TRPM2: variants seen among roughly 807,000 people sequenced by gnomAD.
TRPM2 encodes the protein transient receptor potential cation channel subfamily M member 2.
In TRPM2, 161 loss-of-function variants were observed where a neutral mutation model predicts 174.0. That is an observed-to-expected ratio of 0.93 (90% CI 0.81 to 1.05). The LOEUF (loss-of-function observed/expected upper bound fraction) is 1.05, where lower values mean the gene tolerates loss of function less well. Among genes scored for constraint, TRPM2 ranks in the 50% least tolerant of loss-of-function variants. The pLI, the probability that TRPM2 is intolerant of heterozygous loss-of-function variation, is 0.00. For synonymous variants in TRPM2, 954 were observed against 861.3 expected (o/e 1.11, Z -1.88); for missense variants, 2,057 against 2,038.0 (o/e 1.01, Z -0.18).
chr21:44,382,340 CTGAT>C (rs1008621475), intron 8 of TRPM2, among the ~76,000 whole-genome samples: 10 of 151,942 alleles, frequency 6.6e-5, no homozygotes, highest in African/African-American at 2.4e-4. Flanking sequence ...GATAGATAGA[CTGAT>C]CGATCGACAG....
At position 44,395,423 on chromosome 21, in the gene TRPM2, G is replaced by A; in HGVS notation, c.1804G>A (p.Val602Met). Residue 602 changes from valine to methionine, a missense_variant, in exon 12 of 32, where the codon GTG becomes ATG. Val to Met is a conservative substitution (Grantham distance 21). Transcript: ENST00000397928. ...GTTCACTGCTCACCAGGTGCAGGGA[G>A]TGAGCCTCCGGTCCCTCTACAAGCG... The part of the protein sequence containing the change: ...VPHVKLNVQG[V>M]SLRSLYKRSS... 1.9e-6 allele frequency: 3 copies of A among 1,612,754 alleles called. No individual in the cohort carries two copies. The highest frequency in any genetic ancestry group is 2.5e-6 in the Non-Finnish European group (3 of 1,179,932).
Position 44,422,423 on chromosome 21 carries a change from C to T in TRPM2, c.3462-1222C>T, listed in dbSNP as rs538530494. ...GCTGTCTGGGAAAACATGGCAGGTGCGGTTAAGCGGCTTTTGTGGGATTAA... is the reference window on the plus strand; with the variant it reads ...GCTGTCTGGGAAAACATGGCAGGTGTGGTTAAGCGGCTTTTGTGGGATTAA... On this transcript the variant is annotated intron_variant, in intron 22 of 31. Transcript: ENST00000397928. The T allele has an allele frequency of 2.1e-4, 316 of 1,535,732 alleles. No homozygotes were observed. In the East Asian group the frequency reaches 4.8e-3, roughly 23 times the overall value.
intron 20 of TRPM2, among the ~76,000 whole-genome samples, chr21:44,417,308 A>T (rs1307572750): frequency 4.1e-5 from 3 of 73,800 alleles, no homozygotes; most frequent in South Asian, 5.9e-4. Context: ...CAGTGGGCAC[A>T]AGGGCGTGGC....
At position 44,385,716 on chromosome 21, in the gene TRPM2, C is replaced by T. The variant is rs112840437; in HGVS notation, c.1318+2896C>T. Among the ~76,000 whole-genome samples, 912 of 152,262 alleles carry T rather than the reference C, an allele frequency of 6.0e-3. 13 individuals carry two copies. The highest frequency in any genetic ancestry group is 0.02 in the African/African-American group (847 of 41,534). Reference sequence around the variant, plus strand: ...TTAAATTGACTCACAGTTCAGCATGCCTTGGAAGGCCTCAGGAAACTTACA... The same window carrying T: ...TTAAATTGACTCACAGTTCAGCATGTCTTGGAAGGCCTCAGGAAACTTACA... On this transcript the variant is annotated intron_variant, in intron 9 of 31. Coordinates refer to ENST00000397928, the MANE Select transcript of TRPM2 (RefSeq NM_003307.4).
At chr21:44,364,992 T>C (rs2048318319) in intron 3 of TRPM2, among the ~76,000 whole-genome samples, 1 of 148,832 alleles carries the variant, frequency 6.7e-6, no homozygotes, top group African/African-American at 2.5e-5. Context: ...TGGAGGGTTC[T>C]GAGACTCGCG....
chr21:44,418,830 T>C (rs1157241112), intron 22 of TRPM2, among the ~76,000 whole-genome samples: 1 of 151,688 alleles, frequency 6.6e-6, no homozygotes, highest in Non-Finnish European at 1.5e-5. Context: ...GAGGGGCAGG[T>C]TGGCCCGCAG....
At position 44,376,079 on chromosome 21, in the gene TRPM2, A is replaced by G; in HGVS notation, c.952+66A>G. 3.9e-6 allele frequency: 6 copies of G among 1,557,668 alleles called. No individual in the cohort carries two copies. Among genetic ancestry groups the G allele is most frequent in the Non-Finnish European group, 5.2e-6 (6 of 1,145,426 alleles). On this transcript the variant is annotated intron_variant, in intron 6 of 31. Coordinates refer to ENST00000397928, the MANE Select transcript of TRPM2 (RefSeq NM_003307.4). This position sits in a 1 kb window ranked among gnomAD's most constrained non-coding sequence, Gnocchi z 4.2. The stretch of plus-strand genomic sequence containing the variant: ...CAGTGGGCTGGTCAGAGTGTCAGGT[A>G]CAGCTGGTCACGACCAGGACGTTCA...
intron 18 of TRPM2, 103 bp from the exon 19 acceptor site, chr21:44,406,491 G>A (rs908293138): frequency 5.1e-6 from 7 of 1,371,162 alleles, no homozygotes; most frequent in Non-Finnish European, 6.8e-6. Context: ...CCGTGTCTGT[G>A]CTGTGAGTGG....
chr21:44,383,771 T>G (rs1169079998), intron 9 of TRPM2, among the ~76,000 whole-genome samples: 1 of 152,118 alleles, frequency 6.6e-6, no homozygotes, highest in African/African-American at 2.4e-5. Context: ...ACACAGCCAA[T>G]GGATGAAAGA....
Position 44,439,036 on chromosome 21 carries a change from G to C in TRPM2, c.4168-31G>C. On this transcript the variant is annotated intron_variant, in intron 29 of 31. Transcript: ENST00000397928. The surrounding 1 kb of genome is among the most constrained non-coding windows in gnomAD (Gnocchi z 5.1). Reference sequence around the variant, plus strand: ...GCCTGAGGTCCCGCTTCGGTGCCCTGTTGACCTGCCTCCGTCCTCTGTCTG... The same window carrying C: ...GCCTGAGGTCCCGCTTCGGTGCCCTCTTGACCTGCCTCCGTCCTCTGTCTG... 1.3e-6 allele frequency: 2 copies of C among 1,597,300 alleles called. No homozygotes were observed. Among genetic ancestry groups the C allele is most frequent in the Non-Finnish European group, 1.7e-6 (2 of 1,168,800 alleles).
At chr21:44,405,831 G>T in intron 17 of TRPM2, 74 bp from the exon 18 acceptor site, 1 of 1,548,250 alleles carries the variant, frequency 6.5e-7, no homozygotes. Context: ...ACAGGTGGAG[G>T]GGCGACGGGG....
chr21:44,352,727 G>T (rs2123002646), upstream of TRPM2, among the ~76,000 whole-genome samples: 1 of 152,332 alleles, frequency 6.6e-6, no homozygotes, highest in Admixed American at 6.5e-5. Context: ...TAAAGGGAGG[G>T]CAGTCATCCG....
chr21:44,437,074 C>T lies in TRPM2; in HGVS notation c.4074C>T (p.Asn1358=), dbSNP rs141137247. The change falls in exon 29 of 32, where the codon AAC becomes AAT. Residue 1358 remains asparagine (N), a synonymous_variant. Transcript: ENST00000397928. ...LYPMVTRWRR[N]EDGAICRKSI... ...GCTCTCTCCGCAGGTGGAGGCGGAACGAGGATGGAGCCATCTGCAGGAAGA... is the reference window on the plus strand; with the variant it reads ...GCTCTCTCCGCAGGTGGAGGCGGAATGAGGATGGAGCCATCTGCAGGAAGA... The T allele has an allele frequency of 4.6e-5, 72 of 1,550,688 alleles. 1 individual carries two copies. In the African/African-American group the frequency reaches 7.4e-4, roughly 16 times the overall value.
intron 15 of TRPM2, 22 bp from the exon 16 acceptor site, chr21:44,401,659 C>T: frequency 6.2e-7 from 1 of 1,609,996 alleles, no homozygotes; most frequent in South Asian, 1.1e-5. Flanking sequence ...TCACTGTCTC[C>T]TCTCTGCTGT....
At chr21:44,397,606 A>C in intron 12 of TRPM2, 141 bp from the exon 13 acceptor site, 1 of 878,496 alleles carries the variant, frequency 1.1e-6, no homozygotes. Context: ...TTGTCTGTAT[A>C]GATGTGGTCA....
chr21:44,378,983 C>G lies in TRPM2; in HGVS notation c.1015-14C>G, dbSNP rs1341928408. 3 of 1,600,552 alleles carry G rather than the reference C, an allele frequency of 1.9e-6. No homozygotes were observed. The highest frequency in any genetic ancestry group is 3.3e-5 in the Admixed American group (2 of 59,972). The stretch of plus-strand genomic sequence containing the variant: ...GGACCCAGTCCCGGGCTCACACCCC[C>G]ACCTGCCTTGCAGACCATCGACAAC... On this transcript the variant is annotated splice_polypyrimidine_tract_variant and intron_variant, in intron 7 of 31. Coordinates refer to ENST00000397928, the MANE Select transcript of TRPM2 (RefSeq NM_003307.4).
chr21:44,400,797 C>A (rs1422237682), intron 15 of TRPM2, among the ~76,000 whole-genome samples: 3 of 152,212 alleles, frequency 2.0e-5, no homozygotes, highest in Non-Finnish European at 4.4e-5. Flanking sequence ...AATCGCTTTC[C>A]CTTATGAAGG....
rs565804083 is a variant in TRPM2, at chr21:44,435,217, G to A, written c.4061G>A (p.Arg1354Gln). 76 of 1,612,556 alleles carry A rather than the reference G, an allele frequency of 4.7e-5. No individual in the cohort carries two copies. Among genetic ancestry groups the A allele is most frequent in the Middle Eastern group, 1.7e-4 (1 of 5,936 alleles). The change falls in exon 28 of 32, where the codon CGG becomes CAG. Residue 1354 changes from arginine to glutamine, a missense_variant and splice_region_variant. Coordinates refer to ENST00000397928, the MANE Select transcript of TRPM2 (RefSeq NM_003307.4). ...PNHTLYPMVTRWRRNEDGAIC... is the reference protein window; with the variant it reads ...PNHTLYPMVTQWRRNEDGAIC... The stretch of plus-strand genomic sequence containing the variant: ...CACACGCTGTACCCCATGGTCACGC[G>A]GTGAGTTCATGTGTGCCGGGCACCA...
At chr21:44,380,592 T>C (rs945176743) in intron 8 of TRPM2, among the ~76,000 whole-genome samples, 10 of 152,206 alleles carry the variant, frequency 6.6e-5, no homozygotes, top group African/African-American at 1.9e-4. Flanking sequence ...CGGCATTCGC[T>C]GATGCTCCTG....
Sources: gnomAD v4.1 joint callset for allele counts (sites outside exome capture counted in the v4.1 genomes callset) on GRCh38, gnomAD v4.1.1 for gene constraint, Gnocchi (gnomAD v3.1) non-coding constraint, MANE v1.5 for transcripts, NCBI Gene and HGNC (gene_info 2026-07-23, HGNC 2026-07-21) for gene names.